ARSB: variants seen among roughly 807,000 people sequenced by gnomAD.
ARSB encodes the protein arylsulfatase B, also known as N-acetylgalactosamine-4-sulfatase.
ARSB carries 41 observed loss-of-function variants against 50.9 expected under a neutral mutation model. That is an observed-to-expected ratio of 0.81 (90% confidence interval 0.63 to 1.04). The LOEUF (loss-of-function observed/expected upper bound fraction) is 1.04, where lower values mean the gene tolerates loss of function less well. Among genes scored for constraint, ARSB ranks in the 50% least tolerant of loss-of-function variants. The pLI, the probability that ARSB is intolerant of heterozygous loss-of-function variation, is 0.00. For missense variants in ARSB, 672 were observed against 693.3 expected, an observed-to-expected ratio of 0.97 and a Z score of 0.35; for synonymous variants, 269 against 284.8, an observed-to-expected ratio of 0.94 and a Z score of 0.56.
At chr5:78,836,222 G>T (rs951878274) in intron 6 of ARSB, among the ~76,000 whole-genome samples, 3 of 152,198 alleles carry the variant, frequency 2.0e-5, no homozygotes, top group Non-Finnish European at 4.4e-5. Context: ...TAAAAACTGG[G>T]CAGAAAAGGC....
intron 6 of ARSB, among the ~76,000 whole-genome samples, chr5:78,827,352 G>A (rs986582802): frequency 6.6e-6 from 1 of 152,062 alleles, no homozygotes; most frequent in African/African-American, 2.4e-5. Flanking sequence ...GGGACTACAG[G>A]TGTGTGCCAC....
chr5:78,881,707 A>G (rs1282614222), intron 5 of ARSB, among the ~76,000 whole-genome samples: 6 of 152,260 alleles, frequency 3.9e-5, no homozygotes, highest in African/African-American at 1.4e-4. Flanking sequence ...AGCACTTTCT[A>G]CACCTGTACA....
At chr5:78,844,556 T>C (rs1745362808) in intron 5 of ARSB, among the ~76,000 whole-genome samples, 1 of 152,150 alleles carries the variant, frequency 6.6e-6, no homozygotes, top group Non-Finnish European at 1.5e-5. Context: ...GTAGTTCGAC[T>C]TATGTATTTT....
intron 2 of ARSB, among the ~76,000 whole-genome samples, chr5:78,965,160 G>T (rs1752153399): frequency 1.3e-5 from 2 of 152,098 alleles, no homozygotes; most frequent in South Asian, 2.1e-4. Flanking sequence ...AGAGCCAACA[G>T]ATCAAACTAA....
At chr5:78,979,911 G>T (rs1326825141) in intron 1 of ARSB, among the ~76,000 whole-genome samples, 1 of 152,168 alleles carries the variant, frequency 6.6e-6, no homozygotes. Flanking sequence ...TCCATGAATT[G>T]ATGAATGTAT....
chr5:78,841,787 C>T (rs1581027638), intron 5 of ARSB, among the ~76,000 whole-genome samples: 1 of 151,898 alleles, frequency 6.6e-6, no homozygotes, highest in Admixed American at 6.6e-5. Flanking sequence ...TGAAACCAAG[C>T]GTTGTGTATA....
chr5:78,888,826 AAGTGTG>A (rs1224329234), intron 4 of ARSB, among the ~76,000 whole-genome samples: 2 of 152,240 alleles, frequency 1.3e-5, no homozygotes, highest in Non-Finnish European at 2.9e-5. Flanking sequence ...CGGATGTAGT[AAGTGTG>A]ACTGTTTTTG....
At chr5:78,851,384 G>T (rs55776092) in intron 5 of ARSB, among the ~76,000 whole-genome samples, 19,779 of 152,024 alleles carry the variant, frequency 0.13, 1,449 homozygotes, top group Middle Eastern at 0.21. Context: ...GTGAGTTTCT[G>T]AATCCTGAGT....
intron 4 of ARSB, among the ~76,000 whole-genome samples, chr5:78,937,657 A>T (rs145308136): frequency 1.1e-3 from 161 of 151,146 alleles, no homozygotes; most frequent in African/African-American, 3.8e-3. Context: ...ATTGAGAGGC[A>T]TTTTTTCCTT....
intron 6 of ARSB, among the ~76,000 whole-genome samples, chr5:78,800,421 AC>A (rs976380070): frequency 1.3e-5 from 2 of 151,722 alleles, no homozygotes; most frequent in Admixed American, 6.6e-5. Context: ...CATGCATTTT[AC>A]CCAGACCTCC....
intron 4 of ARSB, among the ~76,000 whole-genome samples, chr5:78,918,894 T>C (rs1749679764): frequency 1.3e-5 from 2 of 152,216 alleles, no homozygotes; most frequent in Admixed American, 1.3e-4. Context: ...GTTTCACCCC[T>C]CTGCCGATGA....
chr5:78,926,609 C>A (rs2112371238), intron 4 of ARSB, among the ~76,000 whole-genome samples: 1 of 152,298 alleles, frequency 6.6e-6, no homozygotes, highest in South Asian at 2.1e-4. Flanking sequence ...AGCAAAATGA[C>A]TTTACTACTC....
chr5:78,933,470 A>G (rs1280921322), intron 4 of ARSB, among the ~76,000 whole-genome samples: 3 of 152,164 alleles, frequency 2.0e-5, no homozygotes, highest in African/African-American at 2.4e-5. Context: ...TATTTTAAAC[A>G]ATTATTCCCA....
rs1204816800 is a variant in ARSB at position 78,778,791 on chromosome 5, G to A, written c.*1606C>T. ...TAATCCCAGCACTTTTGGAGCCCAA[G>A]CTGGGATAATTGCTGGAGCCCAGGA... On this transcript the variant is annotated 3_prime_UTR_variant, in exon 8 of 8. Transcript: ENST00000264914. The A allele has an allele frequency of 6.6e-6, 1 of 152,186 alleles. No individual in the cohort carries two copies. Among genetic ancestry groups the A allele is most frequent in the African/African-American group, 2.4e-5 (1 of 41,452 alleles). The allele number at this position is 152,186 out of a possible 1,614,324, so 9.4% of individuals were successfully genotyped here.
intron 4 of ARSB, among the ~76,000 whole-genome samples, chr5:78,935,778 T>G (rs1445925542): frequency 6.6e-6 from 1 of 152,180 alleles, no homozygotes; most frequent in East Asian, 1.9e-4. Context: ...ACTTTGCTGA[T>G]GAAGAAAATA....
At chr5:78,828,895 C>T (rs1431477924) in intron 6 of ARSB, among the ~76,000 whole-genome samples, 1 of 152,154 alleles carries the variant, frequency 6.6e-6, no homozygotes, top group African/African-American at 2.4e-5. Flanking sequence ...TCCAGGTGGG[C>T]CCAATGTTAT....
chr5:78,816,247 T>G, intron 6 of ARSB: 2 of 1,545,838 alleles, frequency 1.3e-6, no homozygotes, highest in Non-Finnish European at 1.8e-6. Flanking sequence ...GGGCAAGGAC[T>G]GTCTCCTTCA....
intron 5 of ARSB, among the ~76,000 whole-genome samples, chr5:78,871,370 C>T (rs1045279722): frequency 2.6e-5 from 4 of 151,582 alleles, no homozygotes; most frequent in Non-Finnish European, 5.9e-5. Context: ...CAATCCTAAG[C>T]CAAAAGAACA....
At chr5:78,909,540 G>T (rs1483485771) in intron 4 of ARSB, among the ~76,000 whole-genome samples, 1 of 152,192 alleles carries the variant, frequency 6.6e-6, no homozygotes, top group Non-Finnish European at 1.5e-5. Flanking sequence ...TGGAATCAAG[G>T]TTTAAGGGAT....
Sources: allele counts gnomAD v4.1 joint callset (sites outside exome capture counted in the v4.1 genomes callset), GRCh38; gene constraint gnomAD v4.1.1; transcripts MANE v1.5; gene names NCBI Gene and HGNC (gene_info 2026-07-23, HGNC 2026-07-21).